The following RANBP2 variants were observed in gnomAD, a reference collection of about 807,000 sequenced individuals.
RANBP2 encodes E3 SUMO-protein ligase RanBP2.
Under a neutral mutation model 303.6 loss-of-function variants are expected in RANBP2, and 57 were observed. The observed-to-expected ratio is 0.19, with a 90% CI of 0.15 to 0.23. RANBP2 has a LOEUF of 0.23. RANBP2 is among the 10% of genes least tolerant of loss of function. The pLI is 1.00. For synonymous variants in RANBP2, 1,167 were observed against 1,301.5 expected, an observed-to-expected ratio of 0.90 and a Z score of 2.23; for missense variants, 3,138 against 3,780.8, an observed-to-expected ratio of 0.83 and a Z score of 4.46.
chr2:109,320,187 C>T, the RANBP2 span, among the ~76,000 whole-genome samples: 56 of 152,166 alleles, frequency 3.7e-4, no homozygotes, highest in Admixed American at 8.5e-4. Flanking sequence ...TCACAGCCCT[C>T]GGCTTGCCTC....
At chr2:109,661,171 A>G in the RANBP2 span, among the ~76,000 whole-genome samples, 2 of 151,970 alleles carry the variant, frequency 1.3e-5, no homozygotes, top group Non-Finnish European at 2.9e-5. Context: ...CACCTTCAAC[A>G]TGAAGCTTCC....
At chr2:109,644,127 A>C in the RANBP2 span, among the ~76,000 whole-genome samples, 1 of 50,662 alleles carries the variant, frequency 2.0e-5, no homozygotes, top group East Asian at 3.0e-4. Context: ...TCTCAAAAAA[A>C]AAAACAAAAA....
the RANBP2 span, among the ~76,000 whole-genome samples, chr2:109,560,038 A>G: frequency 6.7e-6 from 1 of 149,178 alleles, no homozygotes; most frequent in Non-Finnish European, 1.5e-5. Flanking sequence ...CTCCTGCCTC[A>G]GCCTCCCAAG....
chr2:109,437,031 C>T, the RANBP2 span: 1 of 1,613,886 alleles, frequency 6.2e-7, no homozygotes, highest in South Asian at 1.1e-5. Flanking sequence ...CCGCCCTGCC[C>T]ATCACCACTC....
the RANBP2 span, among the ~76,000 whole-genome samples, chr2:108,965,857 C>T: frequency 2.0e-5 from 3 of 152,068 alleles, no homozygotes; most frequent in Admixed American, 6.5e-5. Flanking sequence ...ACTCTCCCTC[C>T]ACCTTTCCCT....
the RANBP2 span, among the ~76,000 whole-genome samples, chr2:109,408,438 A>G: frequency 6.6e-6 from 1 of 152,114 alleles, no homozygotes; most frequent in Admixed American, 6.5e-5. Context: ...CTCCCGCTCC[A>G]GGCTAAACCA....
intron 6 of RANBP2, among the ~76,000 whole-genome samples, chr2:108,740,025 G>C (rs868806578): frequency 1.3e-4 from 19 of 151,944 alleles, no homozygotes; most frequent in Non-Finnish European, 8.8e-5. Context: ...ACGCTGTAAT[G>C]ATCTATATAG....
chr2:109,024,345 T>C, the RANBP2 span, among the ~76,000 whole-genome samples: 1 of 152,222 alleles, frequency 6.6e-6, no homozygotes, highest in Non-Finnish European at 1.5e-5. Flanking sequence ...AAAATATCAA[T>C]TCAAGTCTGT....
chr2:109,723,078 C>T, the RANBP2 span, among the ~76,000 whole-genome samples: 2 of 152,196 alleles, frequency 1.3e-5, no homozygotes, highest in African/African-American at 2.4e-5. Flanking sequence ...AATTTACACT[C>T]CCACTAACAG....
At chr2:109,184,903 A>G in the RANBP2 span, among the ~76,000 whole-genome samples, 14 of 152,264 alleles carry the variant, frequency 9.2e-5, no homozygotes, top group Non-Finnish European at 2.1e-4. Context: ...GGCCTCATCA[A>G]ACAACCAAGA....
At chr2:109,582,765 T>C in the RANBP2 span, among the ~76,000 whole-genome samples, 1 of 152,212 alleles carries the variant, frequency 6.6e-6, no homozygotes, top group African/African-American at 2.4e-5. Flanking sequence ...TCACATTACC[T>C]GACTTCAAAC....
intron 13 of RANBP2, 98 bp from the exon 14 acceptor site, chr2:108,753,328 T>C (rs572772027): frequency 1.4e-5 from 22 of 1,602,104 alleles, no homozygotes; most frequent in Non-Finnish European, 1.7e-5. Flanking sequence ...AATAATGAGA[T>C]GTTTGTCTCT....
the RANBP2 span, among the ~76,000 whole-genome samples, chr2:108,981,276 C>T: frequency 6.6e-6 from 1 of 152,332 alleles, no homozygotes; most frequent in East Asian, 1.9e-4. Flanking sequence ...ACCCTGCCGC[C>T]AGCATTCTTT....
At chr2:109,013,134 C>T in the RANBP2 span, among the ~76,000 whole-genome samples, 1 of 152,318 alleles carries the variant, frequency 6.6e-6, no homozygotes, top group East Asian at 1.9e-4. Flanking sequence ...CCAGTGGCTG[C>T]TTCACATGGT....
the RANBP2 span, chr2:109,552,765 C>T: frequency 8.8e-6 from 2 of 228,142 alleles, no homozygotes; most frequent in South Asian, 7.8e-5. Flanking sequence ...AATTGTATAC[C>T]GTGGATTCAA....
At chr2:109,633,100 GAACA>G in the RANBP2 span, among the ~76,000 whole-genome samples, 2 of 151,984 alleles carry the variant, frequency 1.3e-5, no homozygotes, top group African/African-American at 4.8e-5. Flanking sequence ...ATTTTAAAAA[GAACA>G]GACAGGGACG....
the RANBP2 span, among the ~76,000 whole-genome samples, chr2:109,384,390 G>A: frequency 6.6e-6 from 1 of 152,126 alleles, no homozygotes; most frequent in African/African-American, 2.4e-5. Context: ...CTCGGGACTT[G>A]GCAGGGAAAG....
At chr2:109,585,166 T>C in the RANBP2 span, 1 of 1,607,900 alleles carries the variant, frequency 6.2e-7, no homozygotes, top group Non-Finnish European at 8.5e-7. Flanking sequence ...CCCACTGTAT[T>C]CACAATGGTC....
chr2:109,614,434 C>G, the RANBP2 span: 3 of 1,155,788 alleles, frequency 2.6e-6, no homozygotes, highest in Admixed American at 8.9e-5. Flanking sequence ...GCTGGGAGCC[C>G]GTCGCTATGG....
Sources: gnomAD v4.1 joint callset for allele counts (sites outside exome capture counted in the v4.1 genomes callset) on GRCh38, gnomAD v4.1.1 for gene constraint, MANE v1.5 for transcripts, NCBI Gene and HGNC (gene_info 2026-07-23, HGNC 2026-07-21) for gene names.